The following SKA2 variants were observed in gnomAD, a reference collection of about 807,000 sequenced individuals.
SKA2 encodes the protein spindle and kinetochore associated complex subunit 2, also known as spindle and kinetochore-associated protein 2.
Under a neutral mutation model 16.9 loss-of-function variants are expected in SKA2, and 13 were observed. The ratio of observed to expected loss-of-function variants is 0.77; its 90% CI spans 0.50 to 1.22. The LOEUF (loss-of-function observed/expected upper bound fraction) is 1.22. Ranked by LOEUF, SKA2 falls within the 50% of genes most tolerant of loss-of-function variation. The pLI, the probability that SKA2 is intolerant of heterozygous loss-of-function variation, is 0.00. For missense variants in SKA2, 107 were observed against 139.7 expected (o/e 0.77, Z 1.18); for synonymous variants, 47 against 48.5 (o/e 0.97, Z 0.13).
intron 1 of SKA2, among the ~76,000 whole-genome samples, chr17:59,131,867 G>A (rs2046414056): frequency 6.6e-6 from 1 of 152,140 alleles, no homozygotes; most frequent in South Asian, 2.1e-4. Flanking sequence ...GGCTTAAAGA[G>A]TCACAAATTT....
chr17:59,154,668 C>G (rs9916197), intron 1 of SKA2, among the ~76,000 whole-genome samples: 1 of 152,210 alleles, frequency 6.6e-6, no homozygotes, highest in Non-Finnish European at 1.5e-5. Context: ...CCTTTTAGAA[C>G]GTGAGCGGGT....
intron 1 of SKA2, among the ~76,000 whole-genome samples, chr17:59,135,335 T>TA (rs1568307362): frequency 1.4e-5 from 2 of 138,868 alleles, no homozygotes; most frequent in African/African-American, 2.8e-5. Flanking sequence ...TTTTTTTTTT[T>TA]AGAAGGAGTC....
At chr17:59,116,314 T>C (rs1036657976) in intron 3 of SKA2, among the ~76,000 whole-genome samples, 20 of 152,258 alleles carry the variant, frequency 1.3e-4, no homozygotes, top group African/African-American at 4.6e-4. Flanking sequence ...CGGAAGTTGC[T>C]GTGAGCCAAG....
intron 3 of SKA2, among the ~76,000 whole-genome samples, chr17:59,117,754 A>C (rs1210005512): frequency 6.6e-6 from 1 of 152,082 alleles, no homozygotes; most frequent in African/African-American, 2.4e-5. Context: ...CAGTAGGTAC[A>C]AGACTCACTA....
chr17:59,134,424 A>C (rs1240440876), intron 1 of SKA2, among the ~76,000 whole-genome samples: 2 of 152,218 alleles, frequency 1.3e-5, no homozygotes, highest in African/African-American at 4.8e-5. Context: ...AGAGATTCCT[A>C]AGACAGAATC....
At chr17:59,140,913 G>A (rs966463125) in intron 1 of SKA2, among the ~76,000 whole-genome samples, 3 of 151,028 alleles carry the variant, frequency 2.0e-5, no homozygotes, top group Admixed American at 6.6e-5. Flanking sequence ...ATGAGCCACC[G>A]CGCCTGGCCT....
intron 2 of SKA2, among the ~76,000 whole-genome samples, chr17:59,129,681 C>T (rs2046397456): frequency 6.6e-6 from 1 of 151,848 alleles, no homozygotes; most frequent in South Asian, 2.1e-4. Flanking sequence ...TGGTGAAACC[C>T]CATCTCTACT....
chr17:59,122,625 A>G (rs2046342916), intron 2 of SKA2, among the ~76,000 whole-genome samples: 1 of 151,546 alleles, frequency 6.6e-6, no homozygotes, highest in South Asian at 2.1e-4. Context: ...AATAATAACT[A>G]TTATTATTTT....
At chr17:59,116,904 G>A (rs891589267) in intron 3 of SKA2, among the ~76,000 whole-genome samples, 8 of 131,410 alleles carry the variant, frequency 6.1e-5, no homozygotes, top group Non-Finnish European at 1.1e-4. Context: ...TGCAACCTCC[G>A]CCTCCCAGGT....
At chr17:59,137,250 TCAAA>T (rs1159211265) in intron 1 of SKA2, among the ~76,000 whole-genome samples, 4 of 152,174 alleles carry the variant, frequency 2.6e-5, no homozygotes, top group Non-Finnish European at 4.4e-5. Context: ...ACTCCTGAGC[TCAAA>T]CAATCTTCCC....
Position 59,121,616 on chromosome 17 carries a change from G to A in SKA2, c.121-2121C>T, listed in dbSNP as rs1487651112. Among the ~76,000 whole-genome samples, 6 of 148,738 alleles carry A rather than the reference G, an allele frequency of 4.0e-5. No homozygotes were observed. The Admixed American group carries it at 4.1e-4, about 10-fold the overall frequency. On this transcript the variant is annotated intron_variant, in intron 2 of 3. Coordinates refer to ENST00000330137, the MANE Select transcript of SKA2 (RefSeq NM_182620.4). The stretch of plus-strand genomic sequence containing the variant: ...GGCAGTGAGCCAAGATGGCACCATT[G>A]CATTCCAGCCTGGGTGACAAGAGCA...
chr17:59,125,477 G>GGT (rs2046365657), intron 2 of SKA2, among the ~76,000 whole-genome samples: 3 of 150,404 alleles, frequency 2.0e-5, no homozygotes, highest in African/African-American at 7.3e-5. Flanking sequence ...AAGACTGGTG[G>GGT]ATCACCTGAG....
chr17:59,114,556 T>C (rs1331694411), intron 3 of SKA2, among the ~76,000 whole-genome samples: 3 of 152,138 alleles, frequency 2.0e-5, no homozygotes, highest in Non-Finnish European at 4.4e-5. Flanking sequence ...ATTATAATCT[T>C]CTGGGACCAC....
At chr17:59,147,135 A>G (rs6416934) in intron 1 of SKA2, among the ~76,000 whole-genome samples, 152,046 of 152,046 alleles carry the variant, frequency 1, 76,023 homozygotes, top group Non-Finnish European at 1. Flanking sequence ...TCCAGCCTGG[A>G]CAACAAGAGC....
At chr17:59,135,222 C>T (rs906259260) in intron 1 of SKA2, among the ~76,000 whole-genome samples, 3 of 151,000 alleles carry the variant, frequency 2.0e-5, no homozygotes, top group Non-Finnish European at 4.4e-5. Flanking sequence ...CAAAAAGAGG[C>T]GGTTTCTACT....
chr17:59,141,266 G>A (rs2046486852), intron 1 of SKA2, among the ~76,000 whole-genome samples: 2 of 152,020 alleles, frequency 1.3e-5, no homozygotes, highest in African/African-American at 2.4e-5. Flanking sequence ...GTATAGTGGC[G>A]TGCGCCTGTA....
At chr17:59,112,388 A>G (rs770687199) in intron 3 of SKA2, 43 bp from the exon 4 acceptor site, 2 of 1,483,432 alleles carry the variant, frequency 1.3e-6, no homozygotes, top group South Asian at 2.3e-5. Flanking sequence ...AAACTTTCAA[A>G]GACTTAAATC....
At chr17:59,144,367 C>A (rs959998090) in intron 1 of SKA2, among the ~76,000 whole-genome samples, 4 of 151,968 alleles carry the variant, frequency 2.6e-5, no homozygotes, top group Non-Finnish European at 4.4e-5. Flanking sequence ...TCTCAAAAAA[C>A]TAAAAATAGA....
At chr17:59,113,194 G>A (rs1203686823) in intron 3 of SKA2, among the ~76,000 whole-genome samples, 1 of 151,492 alleles carries the variant, frequency 6.6e-6, no homozygotes, top group East Asian at 2.0e-4. Flanking sequence ...CTGCACTCTA[G>A]CCTGGGCAGC....
Sources: gnomAD v4.1 joint callset for allele counts (sites outside exome capture counted in the v4.1 genomes callset) on GRCh38, gnomAD v4.1.1 for gene constraint, MANE v1.5 for transcripts, NCBI Gene and HGNC (gene_info 2026-07-23, HGNC 2026-07-21) for gene names.